Variants in MYO3A observed in about 807,000 individuals in gnomAD.
MYO3A encodes the protein myosin IIIA.
MYO3A carries 180 observed loss-of-function variants against 192.7 expected under a neutral mutation model. The ratio of observed to expected loss-of-function variants is 0.93; its 90% CI spans 0.83 to 1.06. The LOEUF is 1.06. MYO3A is among the 50% of genes least tolerant of loss of function. MYO3A has a pLI of 0.00. For synonymous variants in MYO3A, 628 were observed against 645.3 expected (o/e 0.97, Z 0.41); for missense variants, 1,896 against 1,905.0 (o/e 1.00, Z 0.09).
intron 10 of MYO3A, among the ~76,000 whole-genome samples, chr10:26,043,681 T>C (rs74682001): frequency 0.061 from 9,262 of 152,266 alleles, 365 homozygotes; most frequent in Non-Finnish European, 0.088. Flanking sequence ...TCATGGTGAA[T>C]GCTGCCTGGC....
intron 2 of MYO3A, among the ~76,000 whole-genome samples, chr10:25,942,789 GGTT>G (rs1836581427): frequency 2.5e-5 from 2 of 79,436 alleles, no homozygotes; most frequent in African/African-American, 4.3e-5. Flanking sequence ...TTTTTAATTG[GGTT>G]TTTTTTTTTT....
chr10:26,021,797 A>C, intron 8 of MYO3A, 149 bp downstream of exon 8: 1 of 1,081,470 alleles, frequency 9.2e-7, no homozygotes, highest in Non-Finnish European at 1.4e-6. Flanking sequence ...GCTTCTTCTG[A>C]GACATTGTAT....
chr10:26,174,182 G>T lies in MYO3A; in HGVS notation c.3918G>T (p.Lys1306Asn). ...CAAACAGCATGGAAAAAGAAAAGAA[G>T]ACATCTGTAGTTACCCAGCGTGCAC... ...QNANSMEKEKKTSVVTQRAPI... is the reference protein window; with the variant it reads ...QNANSMEKEKNTSVVTQRAPI... Residue 1306 changes from lysine to asparagine, a missense_variant, in exon 30 of 35, where the codon AAG (lysine) becomes AAT (asparagine). Transcript: ENST00000642920. 6.2e-7 allele frequency: 1 copy of T among 1,614,154 alleles called. No homozygotes were observed. Among genetic ancestry groups the T allele is most frequent in the Non-Finnish European group, 8.5e-7 (1 of 1,180,032 alleles).
At chr10:26,120,223 C>T (rs1302363237) in intron 17 of MYO3A, among the ~76,000 whole-genome samples, 1 of 151,990 alleles carries the variant, frequency 6.6e-6, no homozygotes, top group Non-Finnish European at 1.5e-5. Flanking sequence ...TGATTTTGGT[C>T]CTGGGATCTT....
At chr10:26,031,656 AT>A (rs915188809) in intron 10 of MYO3A, among the ~76,000 whole-genome samples, 2 of 152,160 alleles carry the variant, frequency 1.3e-5, no homozygotes, top group African/African-American at 4.8e-5. Flanking sequence ...TATATGGAAT[AT>A]TTTTTATTCT....
rs1389487695 is a variant in MYO3A, at chr10:26,128,539, G to A, written c.2262+1G>A. On this transcript the variant is annotated splice_donor_variant, in intron 20 of 34. Coordinates refer to ENST00000642920, the MANE Select transcript of MYO3A (RefSeq NM_017433.5). LOFTEE classifies it high-confidence loss of function. ...TCAACATGTGTTTGCATGGGAACAG[G>A]TAAGTCTAAGTACTTACTATAAATA... The A allele has an allele frequency of 1.2e-6, 2 of 1,606,120 alleles. No individual in the cohort carries two copies. The highest frequency in any genetic ancestry group is 1.7e-6 in the Non-Finnish European group (2 of 1,174,356).
rs1158101021 is a variant in MYO3A, at chr10:26,165,070, T to C, written c.3000-997T>C. 5.9e-5 allele frequency among the ~76,000 whole-genome samples: 9 copies of C among 152,332 alleles called. 1 individual carries two copies. In the South Asian group the frequency reaches 1.9e-3, roughly 32 times the overall value. On this transcript the variant is annotated intron_variant, in intron 26 of 34. Transcript: ENST00000642920. Reference sequence around the variant, plus strand: ...ACGGAGCCTAACAGAAGCTACTTCATTGCAGATTTAATGAGGTGAAACTTA... The same window carrying C: ...ACGGAGCCTAACAGAAGCTACTTCACTGCAGATTTAATGAGGTGAAACTTA...
intron 3 of MYO3A, 84 bp downstream of exon 3, chr10:25,952,362 T>A (rs892181590): frequency 2.2e-6 from 3 of 1,370,774 alleles, no homozygotes; most frequent in Middle Eastern, 4.8e-4. Context: ...CTTGATTTAT[T>A]CATCACAATA....
intron 17 of MYO3A, among the ~76,000 whole-genome samples, chr10:26,108,092 G>A (rs371294904): frequency 2.0e-5 from 3 of 152,052 alleles, no homozygotes; most frequent in South Asian, 2.1e-4. Flanking sequence ...ACAAAGTATC[G>A]TGTTTAATAG....
intron 33 of MYO3A, among the ~76,000 whole-genome samples, chr10:26,201,634 C>T (rs1244411365): frequency 6.7e-6 from 1 of 149,830 alleles, no homozygotes; most frequent in Admixed American, 6.7e-5. Context: ...TGCCGTGAGC[C>T]GAGATTGCGC....
chr10:26,067,139 G>A, intron 11 of MYO3A, 65 bp downstream of exon 11: 1 of 1,025,534 alleles, frequency 9.8e-7, no homozygotes. Context: ...AGAAGACACG[G>A]GTATTGGTAG....
intron 10 of MYO3A, among the ~76,000 whole-genome samples, chr10:26,057,873 C>T (rs186801614): frequency 5.3e-5 from 8 of 152,268 alleles, no homozygotes; most frequent in Non-Finnish European, 7.4e-5. Context: ...GAGAGGAAGG[C>T]GTAGGGACTT....
intron 20 of MYO3A, among the ~76,000 whole-genome samples, chr10:26,137,708 G>A (rs943640754): frequency 3.3e-5 from 5 of 152,180 alleles, no homozygotes; most frequent in African/African-American, 9.7e-5. Flanking sequence ...TATTTTCCTA[G>A]CAAGGATTAA....
chr10:26,112,494 G>C (rs1419961170), intron 17 of MYO3A, among the ~76,000 whole-genome samples: 1 of 152,162 alleles, frequency 6.6e-6, no homozygotes, highest in Admixed American at 6.5e-5. Context: ...ATAGTAAAAG[G>C]CAACTTTAAT....
At chr10:26,141,099 A>G (rs1317524242) in intron 20 of MYO3A, among the ~76,000 whole-genome samples, 1 of 151,660 alleles carries the variant, frequency 6.6e-6, no homozygotes, top group Admixed American at 6.6e-5. Context: ...GGCTAATTTT[A>G]TGTATTTTTA....
chr10:26,182,390 A>G (rs962891266), intron 31 of MYO3A, among the ~76,000 whole-genome samples: 7 of 152,342 alleles, frequency 4.6e-5, no homozygotes, highest in Middle Eastern at 3.4e-3. Flanking sequence ...GCTCTAATAA[A>G]GAATAATCAC....
At chr10:26,145,769 A>G (rs544995182) in intron 22 of MYO3A, among the ~76,000 whole-genome samples, 5 of 152,338 alleles carry the variant, frequency 3.3e-5, no homozygotes, top group African/African-American at 9.6e-5. Context: ...TCTAGCATCT[A>G]TGCTGAAGAG....
intron 31 of MYO3A, among the ~76,000 whole-genome samples, chr10:26,188,384 A>G (rs1022754086): frequency 2.6e-5 from 4 of 152,128 alleles, no homozygotes; most frequent in East Asian, 1.9e-4. Flanking sequence ...TGTAGATTCT[A>G]GATATTAGCC....
At chr10:26,207,799 A>G (rs1307641359) in intron 34 of MYO3A, among the ~76,000 whole-genome samples, 1 of 151,992 alleles carries the variant, frequency 6.6e-6, no homozygotes, top group East Asian at 1.9e-4. Context: ...TTTTTTTCCT[A>G]TATTTGTGAA....
Sources: allele counts gnomAD v4.1 joint callset (sites outside exome capture counted in the v4.1 genomes callset), GRCh38; gene constraint gnomAD v4.1.1; transcripts MANE v1.5; gene names NCBI Gene and HGNC (gene_info 2026-07-23, HGNC 2026-07-21).